The following CRYBG3 variants were observed in gnomAD, a reference collection of about 807,000 sequenced individuals.
The protein encoded by CRYBG3 is very large A-kinase anchor protein.
A neutral mutation model predicts 244.2 loss-of-function variants in CRYBG3; 127 were observed. The observed-to-expected ratio is 0.52, with a 90% confidence interval of 0.45 to 0.60. The LOEUF (loss-of-function observed/expected upper bound fraction) is 0.60, where lower values mean the gene tolerates loss of function less well. Ranked by LOEUF, CRYBG3 falls within the 20% of genes least tolerant of loss-of-function variation. CRYBG3 has a pLI of 0.00. For missense variants in CRYBG3, 3,325 were observed against 3,442.5 expected, an observed-to-expected ratio of 0.97 and a Z score of 0.85; for synonymous variants, 1,132 against 1,195.8, an observed-to-expected ratio of 0.95 and a Z score of 1.10.
At chr3:97,880,989 A>T in intron 6 of CRYBG3, 83 bp from the exon 7 acceptor site, 1 of 1,126,412 alleles carries the variant, frequency 8.9e-7, no homozygotes, top group Non-Finnish European at 1.2e-6. Flanking sequence ...AAAAAATTTA[A>T]GTAGACAAAA....
intron 15 of CRYBG3, among the ~76,000 whole-genome samples, chr3:97,905,597 T>G (rs1399191960): frequency 6.6e-6 from 1 of 152,086 alleles, no homozygotes; most frequent in African/African-American, 2.4e-5. Context: ...GGTTGTTTGC[T>G]TTTTTCTTGT....
intron 11 of CRYBG3, 34 bp downstream of exon 11, chr3:97,893,027 G>A (rs1479496842): frequency 6.4e-7 from 1 of 1,573,614 alleles, no homozygotes; most frequent in Admixed American, 2.0e-5. Flanking sequence ...TGCACAAGTA[G>A]TCTGTTTTTG....
chr3:97,908,052 A>C lies in CRYBG3; in HGVS notation c.8005-4115A>C, dbSNP rs990262720. Among the ~76,000 whole-genome samples the C allele has an allele frequency of 5.9e-4, 89 of 151,968 alleles. 1 individual carries two copies. The highest frequency in any genetic ancestry group is 2.1e-4 in the Non-Finnish European group (14 of 67,988). The stretch of plus-strand genomic sequence containing the variant: ...GTTGTTCAGTTTCCATGTAGTTGAG[A>C]GGTTTTGAGTGAGATTCCTAATCCT... On this transcript the variant is annotated intron_variant, in intron 15 of 21. Transcript: ENST00000389622.
intron 2 of CRYBG3, among the ~76,000 whole-genome samples, chr3:97,862,180 A>C (rs2039160645): frequency 6.6e-6 from 1 of 152,122 alleles, no homozygotes; most frequent in African/African-American, 2.4e-5. Context: ...CTCATTTGGA[A>C]AGCAACCTGT....
At chr3:97,917,894 C>G (rs1189340732) in intron 17 of CRYBG3, among the ~76,000 whole-genome samples, 3 of 152,098 alleles carry the variant, frequency 2.0e-5, no homozygotes, top group East Asian at 1.9e-4. Flanking sequence ...TGTCTCATTT[C>G]CCTGGACAGT....
At chr3:97,822,789 G>T (rs1269983238) in intron 1 of CRYBG3, among the ~76,000 whole-genome samples, 1 of 152,242 alleles carries the variant, frequency 6.6e-6, no homozygotes, top group African/African-American at 2.4e-5. Context: ...TTGGGGGCGC[G>T]ATCCCAGCAC....
intron 2 of CRYBG3, 62 bp from the exon 3 acceptor site, chr3:97,864,155 C>A (rs1280313506): frequency 9.5e-6 from 12 of 1,267,354 alleles, no homozygotes; most frequent in Non-Finnish European, 1.2e-5. Context: ...TTTATAATAG[C>A]TTATCAGTCT....
In CRYBG3 at chr3:97,822,141, C is replaced by T. The variant is rs2038508434; in HGVS notation, c.-66C>T. ...GCATCCCGCGGCGCCCGGTCGGGCT[C>T]CGGGCACCAGGCAACACCTAGGCCG... On this transcript the variant is annotated 5_prime_UTR_variant, in exon 1 of 22. Transcript: ENST00000389622. 1 of 1,355,884 alleles carries T rather than the reference C, an allele frequency of 7.4e-7. No homozygotes were observed. Among genetic ancestry groups the T allele is most frequent in the East Asian group, 2.9e-5 (1 of 34,078 alleles). The allele number at this position is 1,355,884 out of a possible 1,614,324, so 84.0% of individuals were successfully genotyped here.
At chr3:97,900,366 A>C in intron 14 of CRYBG3, 87 bp from the exon 15 acceptor site, 3 of 854,604 alleles carry the variant, frequency 3.5e-6, no homozygotes, top group South Asian at 3.1e-5. Context: ...AAAGAAAAAA[A>C]AATTTTTTTC....
chr3:97,847,749 T>C (rs2038924663), intron 2 of CRYBG3, among the ~76,000 whole-genome samples: 1 of 152,202 alleles, frequency 6.6e-6, no homozygotes, highest in Non-Finnish European at 1.5e-5. Flanking sequence ...ACTGGTCCCA[T>C]TTTAGAAATG....
rs1418968572 is a variant in CRYBG3 at position 97,864,336 on chromosome 3, A to C, written c.336A>C (p.Glu112Asp). 6.5e-7 allele frequency: 1 copy of C among 1,535,974 alleles called. No individual in the cohort carries two copies. The highest frequency in any genetic ancestry group is 2.4e-5 in the East Asian group (1 of 40,904). Residue 112 changes from glutamate (E) to aspartate (D), a missense_variant, in exon 3 of 22, where the codon GAA becomes GAC. Coordinates refer to ENST00000389622, the MANE Select transcript of CRYBG3 (RefSeq NM_153605.4). ...CCACTTCAGATACCAAAATAGGAGA[A>C]AGTGACAGACAGCCAAAAGAAAGCT... is the stretch of plus-strand genomic sequence containing the variant. ...SSSTSDTKIG[E>D]SDRQPKESFF...
intron 17 of CRYBG3, among the ~76,000 whole-genome samples, chr3:97,926,526 C>T (rs2040042163): frequency 6.6e-6 from 1 of 151,940 alleles, no homozygotes; most frequent in South Asian, 2.1e-4. Flanking sequence ...AGGATGCCCA[C>T]TCTTACCTCT....
At chr3:97,847,953 A>AT (rs1178553956) in intron 2 of CRYBG3, among the ~76,000 whole-genome samples, 2 of 152,272 alleles carry the variant, frequency 1.3e-5, no homozygotes, top group East Asian at 1.9e-4. Flanking sequence ...AAAGAACCGC[A>AT]TTTTTTGTTG....
In CRYBG3 at chr3:97,877,002, A is replaced by C. The variant is rs2039383256; in HGVS notation, c.5808A>C (p.Thr1936=). 1.3e-6 allele frequency: 2 copies of C among 1,529,898 alleles called. No homozygotes were observed. Among genetic ancestry groups the C allele is most frequent in the Admixed American group, 4.4e-5 (2 of 45,964 alleles). 94.8% of individuals were successfully genotyped at this position (1,529,898 alleles called of 1,614,324 possible). The change falls in exon 4 of 22, where the codon ACA becomes ACC. Residue 1936 remains threonine (T), a synonymous_variant. Transcript: ENST00000389622. ...ATTTCAGGGGATATGAATCCCCTAC[A>C]TTAAGTAAGGATTATGAGGGCTACC... ...PTYFRGYESP[T]LSKDYEGYPA...
intron 17 of CRYBG3, among the ~76,000 whole-genome samples, chr3:97,926,894 G>A (rs1464788992): frequency 6.6e-6 from 1 of 151,830 alleles, no homozygotes; most frequent in Non-Finnish European, 1.5e-5. Context: ...GAAAATTACA[G>A]AACACTGCTG....
chr3:97,850,119 C>T (rs1366073949), intron 2 of CRYBG3, among the ~76,000 whole-genome samples: 1 of 152,112 alleles, frequency 6.6e-6, no homozygotes, highest in Non-Finnish European at 1.5e-5. Flanking sequence ...TAGCTTCCTG[C>T]TATTTCTGGA....
Position 97,893,838 on chromosome 3 carries a change from T to C in CRYBG3, c.7574+845T>C, listed in dbSNP as rs148653857. On this transcript the variant is annotated intron_variant, in intron 11 of 21. Transcript: ENST00000389622. Reference sequence around the variant, plus strand: ...AAATATTTTATTCACAGAAGTTAAATGAATTGTTTAAGATCACTCAAGGGC... The same window carrying C: ...AAATATTTTATTCACAGAAGTTAAACGAATTGTTTAAGATCACTCAAGGGC... Among the ~76,000 whole-genome samples, 4 of 152,312 alleles carry C rather than the reference T, an allele frequency of 2.6e-5. No homozygotes were observed. In the East Asian group the frequency reaches 7.7e-4, roughly 29 times the overall value.
At position 97,872,624 on chromosome 3, in the gene CRYBG3, A is replaced by G. The variant is rs749638061; in HGVS notation, c.1430A>G (p.Lys477Arg). 8 of 1,535,998 alleles carry G rather than the reference A, an allele frequency of 5.2e-6. No homozygotes were observed. The South Asian group carries it at 9.5e-5, about 18-fold the overall frequency. ...LQLPESECSD[K>R]QTIDSSSKQA... Reference sequence around the variant, plus strand: ...TTGCCAGAGAGTGAGTGTTCTGACAAGCAAACCATAGATAGCTCATCAAAG... The same window carrying G: ...TTGCCAGAGAGTGAGTGTTCTGACAGGCAAACCATAGATAGCTCATCAAAG... The change falls in exon 4 of 22, where the codon AAG becomes AGG. Residue 477 changes from lysine (K) to arginine (R), a missense_variant. This residue lies in a region of CRYBG3 where 1,526 missense variants were observed against 1,443.2 expected (regional missense o/e 1.06). Coordinates refer to ENST00000389622, the MANE Select transcript of CRYBG3 (RefSeq NM_153605.4).
At chr3:97,889,991 T>A (rs566971387) in intron 10 of CRYBG3, among the ~76,000 whole-genome samples, 3 of 152,226 alleles carry the variant, frequency 2.0e-5, no homozygotes, top group African/African-American at 7.2e-5. Flanking sequence ...ACAGGCCTGC[T>A]TGTAATTAGG....
Sources: allele counts gnomAD v4.1 joint callset (sites outside exome capture counted in the v4.1 genomes callset), GRCh38; gene constraint gnomAD v4.1.1; regional missense constraint gnomAD v4.1.1; transcripts MANE v1.5; gene names NCBI Gene and HGNC (gene_info 2026-07-23, HGNC 2026-07-21).